Variants in SOX5 observed in about 807,000 individuals in gnomAD.
SOX5 encodes the protein SRY-box transcription factor 5, also known as transcription factor SOX-5.
SOX5 carries 9 observed loss-of-function variants against 92.0 expected under a neutral mutation model. The ratio of observed to expected loss-of-function variants is 0.10; its 90% CI spans 0.06 to 0.17. The LOEUF is 0.17. Ranked by LOEUF, SOX5 falls within the 10% of genes least tolerant of loss-of-function variation. The pLI, the probability that SOX5 is intolerant of heterozygous loss-of-function variation, is 1.00. For missense variants in SOX5, 642 were observed against 944.5 expected (o/e 0.68, Z 4.20); for synonymous variants, 344 against 336.3 (o/e 1.02, Z -0.25).
At chr12:23,814,659 C>G (rs1263893765) in intron 3 of SOX5, among the ~76,000 whole-genome samples, 1 of 152,174 alleles carries the variant, frequency 6.6e-6, no homozygotes, top group Non-Finnish European at 1.5e-5. Flanking sequence ...TTTAAGATAA[C>G]AGTCCCACAT....
chr12:24,333,764 CT>C (rs1425169603), intron 2 of SOX5, among the ~76,000 whole-genome samples: 1 of 149,720 alleles, frequency 6.7e-6, no homozygotes, highest in African/African-American at 2.5e-5. Context: ...TGTTAGTTAA[CT>C]TTTTTGGTTG....
rs1284939364 is a variant in SOX5, at chr12:24,269,593, G to A, written c.-77+7623C>T. On this transcript the variant is annotated intron_variant, in intron 3 of 4. Coordinates refer to the SOX5 transcript ENST00000446891. ...AGAAGTACTCAAAATATATGTAAACGTCCATAACTTTATAGTTCTCAAAAC... is the reference window on the plus strand; with the variant it reads ...AGAAGTACTCAAAATATATGTAAACATCCATAACTTTATAGTTCTCAAAAC... 6.6e-5 allele frequency among the ~76,000 whole-genome samples: 10 copies of A among 151,504 alleles called. No homozygotes were observed. The East Asian group carries it at 7.7e-4, about 12-fold the overall frequency.
intron 11 of SOX5, among the ~76,000 whole-genome samples, chr12:23,549,040 T>C (rs1007443286): frequency 2.6e-5 from 4 of 152,006 alleles, no homozygotes; most frequent in African/African-American, 9.7e-5. Flanking sequence ...CACTATCATG[T>C]ATAAAGCTCA....
At chr12:23,841,145 T>C (rs564570781) in intron 3 of SOX5, among the ~76,000 whole-genome samples, 7 of 152,032 alleles carry the variant, frequency 4.6e-5, no homozygotes, top group Non-Finnish European at 8.8e-5. Context: ...CACAAGAAAA[T>C]GATTCAGTTA....
chr12:23,654,945 GCTAA>G (rs1037902183), intron 7 of SOX5, among the ~76,000 whole-genome samples: 1 of 151,926 alleles, frequency 6.6e-6, no homozygotes, highest in Non-Finnish European at 1.5e-5. Flanking sequence ...CTTTGTCACA[GCTAA>G]CTATTTTCAA....
At position 23,872,164 on chromosome 12, in the gene SOX5, A is replaced by ATTTTTTTTTTTTTTTTTT. The variant is rs71059938; in HGVS notation, c.270+23611_270+23628dup. ...AGGCGCCCGCCACCACGCCCGGCTAATTTTTTTTTTTTTTTTTTTTTTTTT... is the reference window on the plus strand; with the variant it reads ...AGGCGCCCGCCACCACGCCCGGCTAATTTTTTTTTTTTTTTTTTTTTTTTTTTTTTTTTTTTTTTTTTT... On this transcript the variant is annotated intron_variant, in intron 2 of 14. Coordinates refer to ENST00000451604, the MANE Select transcript of SOX5 (RefSeq NM_006940.6). 5.2e-4 allele frequency among the ~76,000 whole-genome samples: 32 copies of ATTTTTTTTTTTTTTTTTT among 61,648 alleles called. 3 individuals are homozygous for ATTTTTTTTTTTTTTTTTT. Among genetic ancestry groups the ATTTTTTTTTTTTTTTTTT allele is most frequent in the Non-Finnish European group, 7.1e-4 (22 of 30,948 alleles). 40.4% of individuals were successfully genotyped at this position (61,648 alleles called of 152,430 possible). A position where few individuals can be genotyped will look rare whatever the true frequency, so the allele number is the denominator to read the frequency against.
chr12:23,646,970 T>C (rs545740171), intron 7 of SOX5, among the ~76,000 whole-genome samples: 1 of 152,338 alleles, frequency 6.6e-6, no homozygotes, highest in Admixed American at 6.5e-5. Flanking sequence ...CAATCATTAA[T>C]GTTCTTAATA....
At chr12:23,880,036 AG>A (rs2096970546) in intron 2 of SOX5, among the ~76,000 whole-genome samples, 4 of 152,316 alleles carry the variant, frequency 2.6e-5, no homozygotes, top group African/African-American at 9.6e-5. Context: ...CCAGATATAT[AG>A]CCCCAGTGTG....
intron 4 of SOX5, among the ~76,000 whole-genome samples, chr12:23,980,404 C>T (rs1286137056): frequency 1.3e-5 from 2 of 151,598 alleles, no homozygotes; most frequent in African/African-American, 4.8e-5. Context: ...ATGTAATATT[C>T]CTTCATATAT....
At chr12:24,296,930 GAC>G (rs34848004) in intron 2 of SOX5, among the ~76,000 whole-genome samples, 3,866 of 148,032 alleles carry the variant, frequency 0.026, 115 homozygotes, top group African/African-American at 0.073. Context: ...TAGACAGACA[GAC>G]ACACACACAC....
chr12:24,475,531 C>A (rs1234557633), intron 1 of SOX5, among the ~76,000 whole-genome samples: 2 of 152,208 alleles, frequency 1.3e-5, no homozygotes, highest in Non-Finnish European at 2.9e-5. Flanking sequence ...TGAGGACCTG[C>A]ACTGTCACCT....
At chr12:24,478,154 C>T (rs1945595198) in intron 1 of SOX5, among the ~76,000 whole-genome samples, 1 of 152,184 alleles carries the variant, frequency 6.6e-6, no homozygotes, top group Non-Finnish European at 1.5e-5. Flanking sequence ...TTTTAAATTA[C>T]TACTGAAGTG....
At chr12:24,515,343 AGTATTTAAAGTAGT>A (rs1377234288) in intron 1 of SOX5, among the ~76,000 whole-genome samples, 2 of 152,230 alleles carry the variant, frequency 1.3e-5, no homozygotes, top group African/African-American at 4.8e-5. Flanking sequence ...ATACATGTAA[AGTATTTAAAGTAGT>A]GTCTTCCATA....
intron 4 of SOX5, among the ~76,000 whole-genome samples, chr12:24,176,958 C>A (rs1382451042): frequency 7.0e-6 from 1 of 143,876 alleles, no homozygotes; most frequent in Admixed American, 7.3e-5. Context: ...ATGTTCAGAG[C>A]AGTCAAGTTT....
At chr12:23,555,029 C>A (rs529354779) in intron 11 of SOX5, among the ~76,000 whole-genome samples, 19 of 152,158 alleles carry the variant, frequency 1.2e-4, no homozygotes, top group Admixed American at 1.2e-3. Flanking sequence ...TCTGGCCCAA[C>A]AACAAAAGTG....
chr12:24,528,955 T>A (rs1273478057), intron 1 of SOX5, among the ~76,000 whole-genome samples: 1 of 152,242 alleles, frequency 6.6e-6, no homozygotes, highest in Non-Finnish European at 1.5e-5. Context: ...TTTATAATAT[T>A]TAGAACATTT....
chr12:24,230,457 T>G (rs1032340192), intron 3 of SOX5: 1 of 152,132 alleles, frequency 6.6e-6, no homozygotes. Context: ...CCTGTCTACT[T>G]TTAATTAATT....
At chr12:23,747,353 C>A (rs1288382724) in intron 4 of SOX5, among the ~76,000 whole-genome samples, 1 of 152,110 alleles carries the variant, frequency 6.6e-6, no homozygotes, top group Non-Finnish European at 1.5e-5. Flanking sequence ...ATTCTCCAAA[C>A]AAACGTTCAT....
rs370826034 is a variant in SOX5, at chr12:24,105,162, C to T, written c.-2+108181G>A. On this transcript the variant is annotated intron_variant, in intron 4 of 4. Coordinates refer to the SOX5 transcript ENST00000446891. Reference sequence around the variant, plus strand: ...ATCTGCTATACCAAAGGTAAACTTGCCCCTAAAGCACATTTGTTTAAGGTT... The same window carrying T: ...ATCTGCTATACCAAAGGTAAACTTGTCCCTAAAGCACATTTGTTTAAGGTT... Among the ~76,000 whole-genome samples the T allele has an allele frequency of 3.9e-5, 6 of 152,254 alleles. No individual in the cohort carries two copies. The East Asian group carries it at 7.7e-4, about 20-fold the overall frequency.
Sources: gnomAD v4.1 joint callset for allele counts (sites outside exome capture counted in the v4.1 genomes callset) on GRCh38, gnomAD v4.1.1 for gene constraint, MANE v1.5 for transcripts, NCBI Gene and HGNC (gene_info 2026-07-23, HGNC 2026-07-21) for gene names.